DEPTOR: variants seen among roughly 807,000 people sequenced by gnomAD.
DEPTOR encodes the protein DEP domain-containing mTOR-interacting protein.
A neutral mutation model predicts 41.6 loss-of-function variants in DEPTOR; 41 were observed. The observed-to-expected ratio is 0.98, with a 90% CI of 0.77 to 1.28. The LOEUF is 1.28. Among genes scored for constraint, DEPTOR ranks in the 50% most tolerant of loss-of-function variants. The pLI is 0.00. For synonymous variants in DEPTOR, 195 were observed against 192.3 expected (o/e 1.01, Z -0.12); for missense variants, 514 against 527.9 (o/e 0.97, Z 0.26).
At chr8:120,011,793 G>A (rs910303539) in intron 8 of DEPTOR, among the ~76,000 whole-genome samples, 7 of 152,104 alleles carry the variant, frequency 4.6e-5, no homozygotes, top group African/African-American at 1.7e-4. Context: ...TGTTTTACCT[G>A]ATATATTTTT....
At chr8:119,960,394 T>C (rs1828475516) in intron 3 of DEPTOR, among the ~76,000 whole-genome samples, 1 of 152,166 alleles carries the variant, frequency 6.6e-6, no homozygotes. Context: ...GGTACATGAC[T>C]AGTTTGTAGC....
At chr8:119,942,402 C>T (rs1052437429) in intron 3 of DEPTOR, among the ~76,000 whole-genome samples, 4 of 152,158 alleles carry the variant, frequency 2.6e-5, no homozygotes, top group Admixed American at 6.5e-5. Context: ...GACGGGGTTT[C>T]GCAGTGTTGT....
chr8:119,891,343 G>A (rs970999001), intron 1 of DEPTOR: 27 of 152,018 alleles, frequency 1.8e-4, no homozygotes, highest in Non-Finnish European at 3.1e-4. Flanking sequence ...GACTGAAGAC[G>A]GGGCTGTCTG....
chr8:119,893,452 C>A (rs1428365577), intron 1 of DEPTOR, among the ~76,000 whole-genome samples: 1 of 152,146 alleles, frequency 6.6e-6, no homozygotes, highest in Non-Finnish European at 1.5e-5. Context: ...CATGTTGTTC[C>A]TGTCTATCTG....
In DEPTOR at chr8:119,873,920, G is replaced by C. The variant is rs1320722113; in HGVS notation, c.74G>C (p.Arg25Thr). The change falls in exon 1 of 9, where the codon AGG (arginine) becomes ACG (threonine). Residue 25 changes from arginine (R) to threonine (T), a missense_variant. Arg to Thr is a moderately conservative substitution (Grantham distance 71). Coordinates refer to ENST00000286234, the MANE Select transcript of DEPTOR (RefSeq NM_022783.4). Reference sequence around the variant, plus strand: ...AGCGGGAGTGGCGGGGCGCAGCAAAGGGAGCTGGAGCGCATGGCTGAGGTC... The same window carrying C: ...AGCGGGAGTGGCGGGGCGCAGCAAACGGAGCTGGAGCGCATGGCTGAGGTC... ...STSGSGGAQQ[R>T]ELERMAEVLV... 1 of 1,613,768 alleles carries C rather than the reference G, an allele frequency of 6.2e-7. No homozygotes were observed. Among genetic ancestry groups the C allele is most frequent in the Admixed American group, 1.7e-5 (1 of 60,014 alleles).
chr8:119,978,670 G>A (rs149583336), intron 4 of DEPTOR, among the ~76,000 whole-genome samples: 1 of 152,228 alleles, frequency 6.6e-6, no homozygotes, highest in African/African-American at 2.4e-5. Flanking sequence ...TGGGTGGCTA[G>A]GGGGTTTGGG....
intron 1 of DEPTOR, among the ~76,000 whole-genome samples, chr8:119,888,887 C>T (rs1012183962): frequency 3.7e-5 from 5 of 135,990 alleles, no homozygotes; most frequent in Admixed American, 1.5e-4. Flanking sequence ...AAAAAGACTT[C>T]TTTGTCTGTT....
intron 1 of DEPTOR, among the ~76,000 whole-genome samples, chr8:119,892,528 C>T (rs940857905): frequency 2.0e-5 from 3 of 152,144 alleles, no homozygotes; most frequent in Non-Finnish European, 4.4e-5. Flanking sequence ...ATGGGTAGCA[C>T]GTGTCCACAT....
At chr8:119,896,974 AT>A (rs991914055) in intron 1 of DEPTOR, among the ~76,000 whole-genome samples, 3 of 152,194 alleles carry the variant, frequency 2.0e-5, no homozygotes, top group African/African-American at 7.2e-5. Flanking sequence ...ATGAATAATT[AT>A]TTACTTATAC....
At chr8:119,912,449 T>C (rs1251768295) in intron 1 of DEPTOR, among the ~76,000 whole-genome samples, 1 of 152,174 alleles carries the variant, frequency 6.6e-6, no homozygotes, top group Non-Finnish European at 1.5e-5. Flanking sequence ...AATCAATAAA[T>C]GTGTTTCGGT....
intron 4 of DEPTOR, among the ~76,000 whole-genome samples, chr8:119,978,706 C>T (rs1033758983): frequency 6.6e-6 from 1 of 152,130 alleles, no homozygotes; most frequent in African/African-American, 2.4e-5. Context: ...GGGACCCAGG[C>T]TCTCCTTATG....
intron 1 of DEPTOR, among the ~76,000 whole-genome samples, chr8:119,903,290 G>A (rs1827619040): frequency 6.6e-6 from 1 of 152,110 alleles, no homozygotes; most frequent in Non-Finnish European, 1.5e-5. Context: ...TAGGGATGGG[G>A]TTTCGCCATG....
At position 119,890,629 on chromosome 8, in the gene DEPTOR, C is replaced by T. The variant is rs569130266; in HGVS notation, c.122+16661C>T. On this transcript the variant is annotated intron_variant, in intron 1 of 8. Transcript: ENST00000286234. The stretch of plus-strand genomic sequence containing the variant: ...ATATGTGAGTTTTGAAGAAATGCGA[C>T]AATTCAGTCATTTGTTAAATAATAG... 3.9e-5 allele frequency among the ~76,000 whole-genome samples: 6 copies of T among 152,198 alleles called. No individual in the cohort carries two copies. In the South Asian group the frequency reaches 1.2e-3, roughly 32 times the overall value.
chr8:120,026,707 A>C (rs369622493), intron 8 of DEPTOR, among the ~76,000 whole-genome samples: 35 of 152,140 alleles, frequency 2.3e-4, no homozygotes, highest in African/African-American at 8.4e-4. Context: ...TCCAGGGCCA[A>C]CTGAGATAAA....
At chr8:119,957,831 C>T (rs756754370) in intron 3 of DEPTOR, among the ~76,000 whole-genome samples, 1 of 152,006 alleles carries the variant, frequency 6.6e-6, no homozygotes, top group Non-Finnish European at 1.5e-5. Context: ...TCAAGTGATT[C>T]GCCCACCTTG....
In DEPTOR at chr8:120,036,721, A is replaced by G. The variant is rs1812984058; in HGVS notation, c.1102-12855A>G. On this transcript the variant is annotated intron_variant, in intron 8 of 8. Transcript: ENST00000286234. Reference sequence around the variant, plus strand: ...CTGAAGATGTAAGGAATTCCTAGATACAAGCCAATCTTGACTCAGTTTACA... The same window carrying G: ...CTGAAGATGTAAGGAATTCCTAGATGCAAGCCAATCTTGACTCAGTTTACA... 2.6e-5 allele frequency among the ~76,000 whole-genome samples: 4 copies of G among 152,192 alleles called. No individual in the cohort carries two copies. The South Asian group carries it at 8.3e-4, about 32-fold the overall frequency.
intron 6 of DEPTOR, among the ~76,000 whole-genome samples, chr8:120,003,604 TC>T (rs1812389856): frequency 6.7e-6 from 1 of 149,768 alleles, no homozygotes; most frequent in South Asian, 2.1e-4. Flanking sequence ...AAACAGCACT[TC>T]CCCAGAATGC....
chr8:120,035,429 C>A (rs2130184709), intron 8 of DEPTOR, among the ~76,000 whole-genome samples: 1 of 152,240 alleles, frequency 6.6e-6, no homozygotes, highest in Non-Finnish European at 1.5e-5. Context: ...TTCCTATATC[C>A]ACAGTAAAAG....
At chr8:119,971,463 C>T (rs1378615525) in intron 4 of DEPTOR, among the ~76,000 whole-genome samples, 1 of 152,116 alleles carries the variant, frequency 6.6e-6, no homozygotes, top group Non-Finnish European at 1.5e-5. Flanking sequence ...ATACAAGGGC[C>T]TGCTACTAAG....
Sources: allele counts gnomAD v4.1 joint callset (sites outside exome capture counted in the v4.1 genomes callset), GRCh38; gene constraint gnomAD v4.1.1; transcripts MANE v1.5; gene names NCBI Gene and HGNC (gene_info 2026-07-23, HGNC 2026-07-21).